The following KPNA3 variants were observed in gnomAD, a reference collection of about 807,000 sequenced individuals.
The protein encoded by KPNA3 is importin subunit alpha-4.
In KPNA3, 13 loss-of-function variants were observed where a neutral mutation model predicts 73.8. The observed-to-expected ratio is 0.18, with a 90% CI of 0.11 to 0.28. The LOEUF is 0.28. KPNA3 is among the 10% of genes least tolerant of loss of function. The probability of loss-of-function intolerance (pLI) is 1.00; values close to 1 mark genes in which losing one functional copy is unlikely to be tolerated. For synonymous variants in KPNA3, 186 were observed against 206.9 expected, an observed-to-expected ratio of 0.90 and a Z score of 0.87; for missense variants, 360 against 618.1, an observed-to-expected ratio of 0.58 and a Z score of 4.43.
At chr13:49,730,793 T>C (rs1954460562) in intron 6 of KPNA3, among the ~76,000 whole-genome samples, 1 of 128,992 alleles carries the variant, frequency 7.8e-6, no homozygotes, top group Non-Finnish European at 1.6e-5. Flanking sequence ...TTCATTTATT[T>C]TGAGACGGAG....
chr13:49,782,488 G>A (rs532488552), intron 1 of KPNA3, among the ~76,000 whole-genome samples: 24 of 152,116 alleles, frequency 1.6e-4, no homozygotes, highest in Non-Finnish European at 2.8e-4. Context: ...ATATGCTTAA[G>A]TATCAGTCTC....
chr13:49,751,549 T>G (rs1954663556), intron 1 of KPNA3, among the ~76,000 whole-genome samples: 1 of 152,188 alleles, frequency 6.6e-6, no homozygotes, highest in Non-Finnish European at 1.5e-5. Flanking sequence ...TTTTTTCATC[T>G]CTTGGCATCC....
intron 2 of KPNA3, among the ~76,000 whole-genome samples, chr13:49,737,899 C>T (rs758837933): frequency 6.6e-6 from 1 of 152,170 alleles, no homozygotes; most frequent in Admixed American, 6.5e-5. Context: ...TATGGGCTCT[C>T]ACACAGCAAA....
At chr13:49,775,505 A>C (rs970732960) in intron 1 of KPNA3, among the ~76,000 whole-genome samples, 4 of 152,192 alleles carry the variant, frequency 2.6e-5, no homozygotes, top group Non-Finnish European at 1.5e-5. Flanking sequence ...ATATGGCTGT[A>C]CACTGTCACA....
chr13:49,734,950 T>TAGAGAGAGAGAGAGAG (rs879944192), intron 2 of KPNA3, among the ~76,000 whole-genome samples: 2 of 76,092 alleles, frequency 2.6e-5, no homozygotes, highest in Non-Finnish European at 3.5e-5. Flanking sequence ...GAGAGAGAGA[T>TAGAGAGAGAGAGAGAG]AGATAGAGAG....
At chr13:49,773,994 C>T (rs1885723) in intron 1 of KPNA3, among the ~76,000 whole-genome samples, 18,120 of 152,100 alleles carry the variant, frequency 0.12, 2,178 homozygotes, top group East Asian at 0.58. Flanking sequence ...CAGCCTCAAC[C>T]TCCCAGGCTC....
intron 1 of KPNA3, among the ~76,000 whole-genome samples, chr13:49,749,874 T>C (rs1412903691): frequency 3.9e-5 from 6 of 152,168 alleles, no homozygotes; most frequent in Admixed American, 6.5e-5. Context: ...CTGACTACCA[T>C]ACCTAAGTAC....
intron 2 of KPNA3, among the ~76,000 whole-genome samples, chr13:49,740,190 C>T (rs772884254): frequency 6.0e-5 from 9 of 150,722 alleles, no homozygotes; most frequent in Non-Finnish European, 1.3e-4. Flanking sequence ...GAAGTTGCAG[C>T]GAGCCAAGAT....
intron 1 of KPNA3, among the ~76,000 whole-genome samples, chr13:49,770,852 A>G (rs1370140485): frequency 2.7e-5 from 4 of 150,622 alleles, no homozygotes; most frequent in Non-Finnish European, 5.9e-5. Flanking sequence ...AAAAAAAAAA[A>G]GAAAAGAAAA....
intron 2 of KPNA3, among the ~76,000 whole-genome samples, chr13:49,734,950 T>TAGAGAG (rs879944192): frequency 2.8e-4 from 21 of 76,092 alleles, no homozygotes; most frequent in South Asian, 1.5e-3. Context: ...GAGAGAGAGA[T>TAGAGAG]AGATAGAGAG....
chr13:49,732,992 G>C lies in KPNA3; in HGVS notation c.169C>G (p.Leu57Val), dbSNP rs907317489. The C allele has an allele frequency of 1.9e-6, 3 of 1,611,356 alleles. No homozygotes were observed. Among genetic ancestry groups the C allele is most frequent in the Non-Finnish European group, 8.5e-7 (1 of 1,177,992 alleles). ...TCAGCATCAACATCTGAATCTTCTA[G>C]ACTTTCTTCTTGGGGAACATTTCTC... ...KKRNVPQEES[L>V]EDSDVDADFK... The change falls in exon 3 of 17, where the codon CTA becomes GTA. Residue 57 changes from leucine (L) to valine (V), a missense_variant. Transcript: ENST00000261667.
At chr13:49,747,537 T>G (rs1288805437) in intron 1 of KPNA3, among the ~76,000 whole-genome samples, 1 of 151,844 alleles carries the variant, frequency 6.6e-6, no homozygotes, top group East Asian at 1.9e-4. Flanking sequence ...ATACCAAAAT[T>G]AGCTGGGTGC....
In KPNA3 at chr13:49,706,480, A is replaced by G. The variant is rs528474057; in HGVS notation, c.1033-108T>C. On this transcript the variant is annotated intron_variant, in intron 12 of 16. Transcript: ENST00000261667. ...AACAAAATCACCTGAATTACGTTAA[A>G]GAGACTGCACCTAAAAAGTGATTAG... 69 of 712,394 alleles carry G rather than the reference A, an allele frequency of 9.7e-5. No homozygotes were observed. In the South Asian group the frequency reaches 1.4e-3, roughly 14 times the overall value. 44.1% of individuals were successfully genotyped at this position (712,394 alleles called of 1,614,324 possible). A position where few individuals can be genotyped will look rare whatever the true frequency, so the allele number is the denominator to read the frequency against.
intron 10 of KPNA3, among the ~76,000 whole-genome samples, chr13:49,717,440 G>GAAAAAAAAA (rs61581557): frequency 1.6e-5 from 2 of 126,928 alleles, no homozygotes; most frequent in African/African-American, 3.0e-5. Context: ...GGAAAAAAAA[G>GAAAAAAAAA]AAAAAAAAAA....
At chr13:49,736,960 C>A (rs1239541207) in intron 2 of KPNA3, among the ~76,000 whole-genome samples, 1 of 152,076 alleles carries the variant, frequency 6.6e-6, no homozygotes, top group Non-Finnish European at 1.5e-5. Flanking sequence ...GAATTATAGG[C>A]TCAGTATAAT....
chr13:49,727,691 TACTA>T (rs1954423148), intron 6 of KPNA3, among the ~76,000 whole-genome samples: 1 of 152,108 alleles, frequency 6.6e-6, no homozygotes, highest in Admixed American at 6.6e-5. Flanking sequence ...AATAAACTCA[TACTA>T]ACTTTCTATA....
At chr13:49,709,539 G>T (rs561400079) in intron 12 of KPNA3, 33 bp downstream of exon 12, 1 of 1,543,996 alleles carries the variant, frequency 6.5e-7, no homozygotes, top group Non-Finnish European at 8.8e-7. Flanking sequence ...GACACAGAAA[G>T]AAATAGCATA....
Position 49,722,005 on chromosome 13 carries a change from T to A in KPNA3, c.676A>T (p.Asn226Tyr). The A allele has an allele frequency of 6.2e-7, 1 of 1,610,864 alleles. No homozygotes were observed. The highest frequency in any genetic ancestry group is 8.5e-7 in the Non-Finnish European group (1 of 1,178,384). The change falls in exon 9 of 17, where the codon AAT becomes TAT. Residue 226 changes from asparagine to tyrosine, a missense_variant. Physicochemically the swap from Asn to Tyr is moderately radical, Grantham distance 143. Coordinates refer to ENST00000261667, the MANE Select transcript of KPNA3 (RefSeq NM_002267.4). Reference sequence around the variant, plus strand: ...GGGGGATCCTTATTCCTGCAGAGATTGACAATGACCCATGTGACGTTCCGA... The same window carrying A: ...GGGGGATCCTTATTCCTGCAGAGATAGACAATGACCCATGTGACGTTCCGA... The part of the protein sequence containing the change: ...FLRNVTWVIV[N>Y]LCRNKDPPPP...
At chr13:49,787,684 T>C (rs1259057144) in intron 1 of KPNA3, among the ~76,000 whole-genome samples, 2 of 149,398 alleles carry the variant, frequency 1.3e-5, no homozygotes, top group African/African-American at 4.9e-5. Flanking sequence ...TTTTTGTATT[T>C]TTTTTTTTTT....
Sources: allele counts gnomAD v4.1 joint callset (sites outside exome capture counted in the v4.1 genomes callset), GRCh38; gene constraint gnomAD v4.1.1; transcripts MANE v1.5; gene names NCBI Gene and HGNC (gene_info 2026-07-23, HGNC 2026-07-21).